FREM3: variants seen among roughly 807,000 people sequenced by gnomAD.
FREM3 encodes the protein FRAS1-related extracellular matrix protein 3.
In FREM3, 105 loss-of-function variants were observed where a neutral mutation model predicts 129.1. The observed-to-expected ratio is 0.81, with a 90% confidence interval of 0.69 to 0.96. The LOEUF (loss-of-function observed/expected upper bound fraction) is 0.96, where lower values mean the gene tolerates loss of function less well. Among genes scored for constraint, FREM3 ranks in the 40% least tolerant of loss-of-function variants. The pLI, the probability that FREM3 is intolerant of heterozygous loss-of-function variation, is 0.00. For synonymous variants in FREM3, 1,014 were observed against 1,044.9 expected (o/e 0.97, Z 0.57); for missense variants, 2,593 against 2,666.3 (o/e 0.97, Z 0.61).
intron 2 of FREM3, among the ~76,000 whole-genome samples, chr4:143,665,128 G>C (rs1183970209): frequency 6.6e-6 from 1 of 152,100 alleles, no homozygotes; most frequent in East Asian, 1.9e-4. Flanking sequence ...ACTCCCTAGT[G>C]AGATGAATCC....
intron 2 of FREM3, among the ~76,000 whole-genome samples, chr4:143,659,245 A>C (rs1247082931): frequency 3.5e-5 from 5 of 144,522 alleles, no homozygotes; most frequent in South Asian, 2.2e-4. Flanking sequence ...CCTCCCCCCT[A>C]CCCCCACCAA....
In FREM3 at chr4:143,693,175, T is replaced by C. The variant is rs1272634260; in HGVS notation, c.5213A>G (p.Tyr1738Cys). 3.3e-6 allele frequency: 5 copies of C among 1,514,916 alleles called. No homozygotes were observed. Among genetic ancestry groups the C allele is most frequent in the South Asian group, 2.5e-5 (2 of 79,730 alleles). The allele number at this position is 1,514,916 out of a possible 1,614,324, so 93.8% of individuals were successfully genotyped here. The stretch of plus-strand genomic sequence containing the variant: ...TGCGTTGCTGCCCTCATTCAAGACA[T>C]AGGATATCTTCATCTCATCAATGTC... ...QADIDEMKIS[Y>C]VLNEGSNASK... Residue 1738 changes from tyrosine to cysteine, a missense_variant, in exon 2 of 8, where the codon TAT (tyrosine) becomes TGT (cysteine). This residue lies in a region of FREM3 where 2,276 missense variants were observed against 2,267.2 expected (regional missense o/e 1.00). Coordinates refer to ENST00000329798, the MANE Select transcript of FREM3 (RefSeq NM_001168235.2).
intron 2 of FREM3, among the ~76,000 whole-genome samples, chr4:143,661,070 C>A (rs1739709319): frequency 6.6e-6 from 1 of 152,168 alleles, no homozygotes; most frequent in Non-Finnish European, 1.5e-5. Context: ...ATTGAATACC[C>A]TTTATTTCGT....
intron 2 of FREM3, among the ~76,000 whole-genome samples, chr4:143,653,116 T>A (rs1273862254): frequency 2.0e-5 from 3 of 152,238 alleles, no homozygotes; most frequent in Non-Finnish European, 4.4e-5. Flanking sequence ...GAGTGGTTCC[T>A]ATTTTGTATT....
chr4:143,584,576 T>C (rs916115921), intron 7 of FREM3, among the ~76,000 whole-genome samples: 9 of 152,166 alleles, frequency 5.9e-5, no homozygotes, highest in African/African-American at 2.2e-4. Context: ...ACAAGAAGAC[T>C]TAACTATCCT....
chr4:143,599,027 A>T (rs1024708153), intron 6 of FREM3, among the ~76,000 whole-genome samples: 2 of 152,184 alleles, frequency 1.3e-5, no homozygotes, highest in African/African-American at 4.8e-5. Context: ...TGGATATGGG[A>T]GTCTTACAGC....
At chr4:143,579,626 T>A (rs1738098283) in intron 7 of FREM3, among the ~76,000 whole-genome samples, 1 of 152,332 alleles carries the variant, frequency 6.6e-6, no homozygotes, top group Admixed American at 6.5e-5. Flanking sequence ...ATGGGGATAA[T>A]GATAGCTACC....
intron 2 of FREM3, among the ~76,000 whole-genome samples, chr4:143,631,031 A>C (rs1206186493): frequency 6.6e-6 from 1 of 152,176 alleles, no homozygotes; most frequent in African/African-American, 2.4e-5. Flanking sequence ...ATAGAGCAGA[A>C]GAGAGTTTTC....
At chr4:143,678,090 C>T (rs948910339) in intron 2 of FREM3, among the ~76,000 whole-genome samples, 4 of 152,132 alleles carry the variant, frequency 2.6e-5, no homozygotes, top group Admixed American at 6.5e-5. Context: ...CACATGCACA[C>T]GTATGTTTAC....
intron 2 of FREM3, among the ~76,000 whole-genome samples, chr4:143,664,811 C>A (rs953881912): frequency 6.6e-6 from 1 of 152,110 alleles, no homozygotes; most frequent in Non-Finnish European, 1.5e-5. Flanking sequence ...CCTCCCCCAA[C>A]CTCGCTGCCG....
intron 6 of FREM3, among the ~76,000 whole-genome samples, chr4:143,598,808 A>C (rs1315800736): frequency 6.6e-6 from 1 of 152,230 alleles, no homozygotes; most frequent in Non-Finnish European, 1.5e-5. Flanking sequence ...TACAGTATTC[A>C]GTACAGTAAC....
At chr4:143,622,044 TC>T (rs1203853551) in intron 4 of FREM3, among the ~76,000 whole-genome samples, 18 of 152,064 alleles carry the variant, frequency 1.2e-4, no homozygotes, top group Non-Finnish European at 2.5e-4. Context: ...TGTAGATTCT[TC>T]CTCTTAGTGA....
In FREM3 at chr4:143,699,321, G is replaced by C; in HGVS notation, c.1355C>G (p.Ser452Cys). The C allele has an allele frequency of 2.0e-6, 3 of 1,537,366 alleles. No homozygotes were observed. The highest frequency in any genetic ancestry group is 2.6e-6 in the Non-Finnish European group (3 of 1,146,948). The change falls in exon 1 of 8, where the codon TCC becomes TGC. Residue 452 changes from serine (S) to cysteine (C), a missense_variant. This residue lies in a region of FREM3 where 2,276 missense variants were observed against 2,267.2 expected (regional missense o/e 1.00). Transcript: ENST00000329798. The surrounding 1 kb of genome is among the most constrained non-coding windows in gnomAD (Gnocchi z 4.2). Reference sequence around the variant, plus strand: ...ACTGATAGGAATGCTGTGGGTGCTGGACAAGGGCCTTGACTGACCTTCAAA... The same window carrying C: ...ACTGATAGGAATGCTGTGGGTGCTGCACAAGGGCCTTGACTGACCTTCAAA... ...VLFEGQSRPL[S>C]STHSIPISDK...
intron 2 of FREM3, among the ~76,000 whole-genome samples, chr4:143,666,315 G>A (rs1316562820): frequency 1.3e-5 from 2 of 152,116 alleles, no homozygotes; most frequent in East Asian, 3.8e-4. Flanking sequence ...GCTATGGAAA[G>A]CAGTTTGGCA....
Position 143,700,396 on chromosome 4 carries a change from G to C in FREM3, c.280C>G (p.Arg94Gly). The C allele has an allele frequency of 6.5e-7, 1 of 1,534,594 alleles. No homozygotes were observed. The highest frequency in any genetic ancestry group is 2.4e-5 in the East Asian group (1 of 40,842). ...DLVIGVQPGDRCEVTVLDALP... is the reference protein window; with the variant it reads ...DLVIGVQPGDGCEVTVLDALP... ...GCGTCCAGTACCGTGACTTCGCACC[G>C]GTCCCCCGGCTGCACTCCAATCACC... is the stretch of plus-strand genomic sequence containing the variant. The change falls in exon 1 of 8, where the codon CGG becomes GGG. Residue 94 changes from arginine to glycine, a missense_variant. Transcript: ENST00000329798.
chr4:143,613,140 T>G (rs1477907676), intron 5 of FREM3, among the ~76,000 whole-genome samples: 1 of 152,236 alleles, frequency 6.6e-6, no homozygotes, highest in African/African-American at 2.4e-5. Flanking sequence ...ATGGTTTTTT[T>G]GAAAGAACAA....
chr4:143,672,293 G>GT (rs1351613931), intron 2 of FREM3, among the ~76,000 whole-genome samples: 1 of 152,196 alleles, frequency 6.6e-6, no homozygotes. Context: ...ACTATTCAAG[G>GT]AGTTTCTTGG....
At chr4:143,659,032 C>CT (rs34378952) in intron 2 of FREM3, among the ~76,000 whole-genome samples, 45 of 139,522 alleles carry the variant, frequency 3.2e-4, no homozygotes, top group African/African-American at 5.3e-4. Flanking sequence ...AGGTTATTTT[C>CT]TTTTTTTTTT....
At chr4:143,674,647 A>G (rs1435983923) in intron 2 of FREM3, among the ~76,000 whole-genome samples, 1 of 152,190 alleles carries the variant, frequency 6.6e-6, no homozygotes, top group East Asian at 1.9e-4. Flanking sequence ...CAGCAAACCC[A>G]TTTCATGTGC....
Sources: allele counts gnomAD v4.1 joint callset (sites outside exome capture counted in the v4.1 genomes callset), GRCh38; gene constraint gnomAD v4.1.1; regional missense constraint gnomAD v4.1.1; non-coding constraint Gnocchi (gnomAD v3.1); transcripts MANE v1.5; gene names NCBI Gene and HGNC (gene_info 2026-07-23, HGNC 2026-07-21).